Variants in PDXDC1 observed in about 807,000 individuals in gnomAD.
PDXDC1 encodes pyridoxal dependent decarboxylase domain containing 1.
PDXDC1 carries 42 observed loss-of-function variants against 100.1 expected under a neutral mutation model. The observed-to-expected ratio is 0.42, with a 90% CI of 0.33 to 0.54. PDXDC1 has a LOEUF of 0.54. Among genes scored for constraint, PDXDC1 ranks in the 20% least tolerant of loss-of-function variants. PDXDC1 has a pLI of 0.10. For synonymous variants in PDXDC1, 260 were observed against 371.7 expected (o/e 0.70, Z 3.46); for missense variants, 636 against 979.2 (o/e 0.65, Z 4.68).
chr16:15,132,669 C>T, intron 16 of PDXDC1: 1 of 722,852 alleles, frequency 1.4e-6, no homozygotes, highest in Non-Finnish European at 2.4e-6. Context: ...GGGGCTGAAC[C>T]CAGTACCCTG....
intron 16 of PDXDC1, chr16:15,104,712 C>A (rs200966838): frequency 2.3e-5 from 36 of 1,596,840 alleles, no homozygotes; most frequent in Middle Eastern, 4.5e-4. Context: ...GTAGGGCCAG[C>A]AGGGCAATCC....
At chr16:15,044,689 G>A (rs1275948543) in intron 16 of PDXDC1, 2 of 498,904 alleles carry the variant, frequency 4.0e-6, no homozygotes, top group Non-Finnish European at 7.2e-6. Flanking sequence ...TGCTCTGGAA[G>A]AGCACAGGCA....
At chr16:15,059,530 A>G (rs2044638865) in intron 16 of PDXDC1, among the ~76,000 whole-genome samples, 1 of 152,178 alleles carries the variant, frequency 6.6e-6, no homozygotes, top group Non-Finnish European at 1.5e-5. Context: ...AACTTGCTCA[A>G]CGTCAAACAG....
At chr16:14,982,387 C>T (rs1158442708) in intron 1 of PDXDC1, among the ~76,000 whole-genome samples, 2 of 152,272 alleles carry the variant, frequency 1.3e-5, no homozygotes, top group African/African-American at 4.8e-5. Context: ...CTTTGGGAGG[C>T]CGAGGTGGGT....
At chr16:15,099,196 G>A (rs148664265) in intron 16 of PDXDC1, among the ~76,000 whole-genome samples, 5,464 of 152,194 alleles carry the variant, frequency 0.036, 132 homozygotes, top group Middle Eastern at 0.054. Context: ...GCTGAGGCAG[G>A]TGGCTCACTT....
rs578091465 is a variant in PDXDC1, at chr16:15,017,686, G to A, written c.963+264G>A. ...TTACTGAAATAATGAAGCAGTGAAC[G>A]TCTTTCTGTGTTTCTAATTATTTCC... On this transcript the variant is annotated intron_variant, in intron 11 of 22. Transcript: ENST00000396410. Among the ~76,000 whole-genome samples, 23 of 152,344 alleles carry A rather than the reference G, an allele frequency of 1.5e-4. No individual in the cohort carries two copies. In the South Asian group the frequency reaches 3.1e-3, roughly 21 times the overall value.
At chr16:15,045,189 C>T (rs148176189) in intron 16 of PDXDC1, 11,975 of 149,958 alleles carry the variant, frequency 0.08, 661 homozygotes, top group Non-Finnish European at 0.11. Context: ...CCCAGCTACT[C>T]GGGAAGCTGA....
At position 15,032,918 on chromosome 16, in the gene PDXDC1, C is replaced by T; in HGVS notation, c.1629C>T (p.Asn543=). ...SSLKSDPEGE[N]IHAGLLKKLN... ...TGAAATCAGATCCCGAAGGGGAAAACATCCATGCTGGACTCCTGAAGAAGT... is the reference window on the plus strand; with the variant it reads ...TGAAATCAGATCCCGAAGGGGAAAATATCCATGCTGGACTCCTGAAGAAGT... Residue 543 remains asparagine, a synonymous_variant, in exon 18 of 23, where the codon AAC becomes AAT. Coordinates refer to ENST00000396410, the MANE Select transcript of PDXDC1 (RefSeq NM_015027.4). 3 of 1,612,774 alleles carry T rather than the reference C, an allele frequency of 1.9e-6. No homozygotes were observed. The highest frequency in any genetic ancestry group is 2.5e-6 in the Non-Finnish European group (3 of 1,178,698).
downstream of PDXDC1, among the ~76,000 whole-genome samples, chr16:15,043,209 T>A (rs776576290): frequency 3.3e-5 from 5 of 151,070 alleles, no homozygotes; most frequent in Non-Finnish European, 7.4e-5. Flanking sequence ...CTAATTTTTG[T>A]AATTTTAGTA....
chr16:15,030,901 T>TGGCC (rs1159514488), intron 16 of PDXDC1, among the ~76,000 whole-genome samples: 2 of 151,986 alleles, frequency 1.3e-5, no homozygotes, highest in African/African-American at 4.8e-5. Flanking sequence ...ACACAACCAG[T>TGGCC]GGCCGCCCAC....
chr16:15,020,657 C>T lies in PDXDC1; in HGVS notation c.1089+1692C>T, dbSNP rs1365454089. On this transcript the variant is annotated intron_variant, in intron 12 of 22. Transcript: ENST00000396410. ...TGAGCCGAGATTGCGCCACTGCACT[C>T]CAGCCAGAGCGAAACTCAGTCTTTT... Among the ~76,000 whole-genome samples, 11 of 151,606 alleles carry T rather than the reference C, an allele frequency of 7.3e-5. No homozygotes were observed. In the South Asian group the frequency reaches 8.3e-4, roughly 11 times the overall value.
At chr16:15,024,480 C>T (rs1326165800) in intron 13 of PDXDC1, among the ~76,000 whole-genome samples, 9 of 151,210 alleles carry the variant, frequency 6.0e-5, no homozygotes, top group East Asian at 2.0e-4. Flanking sequence ...GATCTTGGCT[C>T]ACTCTAACCT....
chr16:14,991,526 ATTT>A (rs1168644641), intron 1 of PDXDC1, among the ~76,000 whole-genome samples: 2 of 136,420 alleles, frequency 1.5e-5, no homozygotes, highest in Non-Finnish European at 1.6e-5. Context: ...TATTTTGTCT[ATTT>A]TTTTTTTTTT....
At chr16:15,053,063 G>A (rs936358034) in intron 16 of PDXDC1, among the ~76,000 whole-genome samples, 8 of 152,088 alleles carry the variant, frequency 5.3e-5, no homozygotes, top group East Asian at 3.9e-4. Context: ...CTGTCTGCTC[G>A]GCACTTGAAA....
rs1181481101 is a variant in PDXDC1, at chr16:15,047,458, G to C, written c.1399+17402G>C. On this transcript the variant is annotated intron_variant, in intron 16 of 16. Transcript: ENST00000535621. ...AGATCTCACCTTCCACATTGAGCGT[G>C]GTCAGAAAAGGATTTTATGGAGTTC... 1 of 1,606,254 alleles carries C rather than the reference G, an allele frequency of 6.2e-7. No individual in the cohort carries two copies. The highest frequency in any genetic ancestry group is 8.5e-7 in the Non-Finnish European group (1 of 1,173,090).
intron 16 of PDXDC1, chr16:15,079,858 A>G (rs1322837069): frequency 2.1e-6 from 2 of 962,386 alleles, no homozygotes; most frequent in East Asian, 6.3e-5. Context: ...CGGCCTCCCA[A>G]AGTGCTGGGA....
At chr16:15,095,134 G>A (rs919698185) in intron 16 of PDXDC1, among the ~76,000 whole-genome samples, 5 of 151,906 alleles carry the variant, frequency 3.3e-5, no homozygotes, top group Admixed American at 1.3e-4. Context: ...CACCACGCCC[G>A]GCCAAACTTA....
At chr16:15,148,166 A>C in the PDXDC1 span, among the ~76,000 whole-genome samples, 1 of 150,300 alleles carries the variant, frequency 6.7e-6, no homozygotes, top group African/African-American at 2.5e-5. Flanking sequence ...TGGTCTCGCT[A>C]TGTTGCCCAG....
chr16:15,069,935 T>G, intron 16 of PDXDC1: 1 of 1,289,960 alleles, frequency 7.8e-7, no homozygotes. Context: ...CTTGAAATTA[T>G]TATTAAAAGT....
Sources: allele counts gnomAD v4.1 joint callset (sites outside exome capture counted in the v4.1 genomes callset), GRCh38; gene constraint gnomAD v4.1.1; transcripts MANE v1.5; gene names NCBI Gene and HGNC (gene_info 2026-07-23, HGNC 2026-07-21).